The following UTY variants were observed in gnomAD, a reference collection of about 807,000 sequenced individuals.
UTY encodes histone demethylase UTY.
Under a neutral mutation model 32.5 loss-of-function variants are expected in UTY, and 12 were observed. The ratio of observed to expected loss-of-function variants is 0.37; its 90% CI spans 0.24 to 0.60. The LOEUF (loss-of-function observed/expected upper bound fraction) is 0.60. Among genes scored for constraint, UTY ranks in the 20% least tolerant of loss-of-function variants. The pLI is 0.69. For missense variants in UTY, 303 were observed against 299.2 expected, an observed-to-expected ratio of 1.01 and a Z score of -0.09; for synonymous variants, 131 against 103.4, an observed-to-expected ratio of 1.27 and a Z score of -1.62.
At chrY:13,355,890 A>G in intron 16 of UTY, 33 bp downstream of exon 16, 1 of 334,654 alleles carries the variant, frequency 3.0e-6, no homozygotes, top group Non-Finnish European at 4.2e-6. Context: ...AACTGTTGGT[A>G]AATTTTAGAG....
chrY:13,253,250 G>A, intron 28 of UTY, among the ~76,000 whole-genome samples: 1 of 33,558 alleles, frequency 3.0e-5, no homozygotes, highest in African/African-American at 1.2e-4. Flanking sequence ...CATGAGGAGG[G>A]AGAGTATAGT....
intron 8 of UTY, chrY:13,393,121 G>GGT (rs2067746515): frequency 6.0e-5 from 2 of 33,208 alleles, no homozygotes; most frequent in African/African-American, 2.3e-4. Flanking sequence ...ATTAAGACAT[G>GGT]AGCCACCATG....
At chrY:13,373,899 G>A in intron 8 of UTY, among the ~76,000 whole-genome samples, 1 of 33,232 alleles carries the variant, frequency 3.0e-5, no homozygotes, top group Non-Finnish European at 7.4e-5. Context: ...ACAGTGTTGT[G>A]TAACCATCAT....
chrY:13,242,064 C>CAAAACA (rs2053908340), intron 28 of UTY, among the ~76,000 whole-genome samples: 7 of 31,831 alleles, frequency 2.2e-4, no homozygotes, highest in Non-Finnish European at 5.3e-4. Flanking sequence ...GATTCCATGT[C>CAAAACA]AAAACAAAAA....
chrY:13,379,231 A>G, intron 8 of UTY, among the ~76,000 whole-genome samples: 1 of 33,628 alleles, frequency 3.0e-5, no homozygotes, highest in African/African-American at 1.2e-4. Flanking sequence ...TTCTGAGGAG[A>G]GGGAAGAAAC....
chrY:13,350,867 T>C, intron 17 of UTY, among the ~76,000 whole-genome samples: 1 of 33,186 alleles, frequency 3.0e-5, no homozygotes, highest in African/African-American at 1.2e-4. Flanking sequence ...CATGTACCGC[T>C]GCTTGCTCAA....
At chrY:13,426,945 G>A (rs982523277) in intron 4 of UTY, among the ~76,000 whole-genome samples, 1 of 33,142 alleles carries the variant, frequency 3.0e-5, no homozygotes, top group African/African-American at 1.2e-4. Context: ...CTGTAATTGC[G>A]GTAAATAAAC....
chrY:13,470,729 C>A (rs528573733), intron 2 of UTY, among the ~76,000 whole-genome samples: 27 of 32,995 alleles, frequency 8.2e-4, no homozygotes, highest in African/African-American at 3.2e-3. Flanking sequence ...ACTTTTCCAT[C>A]TTGAAAAGAT....
chrY:13,281,385 A>T, intron 27 of UTY, among the ~76,000 whole-genome samples: 1 of 33,769 alleles, frequency 3.0e-5, no homozygotes, highest in Non-Finnish European at 7.3e-5. Flanking sequence ...CAGAATGATG[A>T]AACAAAAATA....
chrY:13,443,723 A>G (rs770003048), intron 4 of UTY, among the ~76,000 whole-genome samples: 74 of 33,768 alleles, frequency 2.2e-3, no homozygotes, highest in Admixed American at 4.3e-3. Flanking sequence ...GAGACACAAC[A>G]AAAGCAGTGT....
In UTY at chrY:13,256,148, A is replaced by G. The variant is rs770343974; in HGVS notation, c.4137+4130T>C. ...AATTTAAAACATTAAATTACTTTCA[A>G]AAATTACTAGAGGACATTAATTGGA... On this transcript the variant is annotated intron_variant, in intron 28 of 29. Transcript: ENST00000545955. Among the ~76,000 whole-genome samples, 8 of 33,668 alleles carry G rather than the reference A, an allele frequency of 2.4e-4. No individual in the cohort carries two copies. The South Asian group carries it at 5.2e-3, about 22-fold the overall frequency. The allele number at this position is 33,668 out of a possible 37,273, so 90.3% of individuals were successfully genotyped here.
At chrY:13,456,864 A>AT (rs2076826363) in intron 3 of UTY, among the ~76,000 whole-genome samples, 1 of 32,800 alleles carries the variant, frequency 3.0e-5, no homozygotes, top group East Asian at 7.9e-4. Context: ...GTGCAAACCT[A>AT]TTTTTTTAAA....
intron 4 of UTY, among the ~76,000 whole-genome samples, chrY:13,430,495 T>C (rs2073889329): frequency 5.9e-5 from 2 of 33,734 alleles, no homozygotes; most frequent in Non-Finnish European, 1.5e-4. Flanking sequence ...AGTTTGTGAG[T>C]ACACATTCAT....
intron 17 of UTY, among the ~76,000 whole-genome samples, chrY:13,344,334 G>A: frequency 2.9e-5 from 1 of 34,336 alleles, no homozygotes; most frequent in African/African-American, 1.1e-4. Context: ...GCATTTCTAT[G>A]TTCTGCGCCT....
chrY:13,279,669 C>T (rs912466561), intron 27 of UTY, among the ~76,000 whole-genome samples: 3 of 33,388 alleles, frequency 9.0e-5, no homozygotes, highest in Non-Finnish European at 2.2e-4. Context: ...CCTCAATGCC[C>T]AGACATTGAC....
At chrY:13,460,626 G>C in intron 3 of UTY, among the ~76,000 whole-genome samples, 2 of 32,951 alleles carry the variant, frequency 6.1e-5, no homozygotes, top group African/African-American at 2.4e-4. Context: ...GCTTGAGCTG[G>C]GGAAGCGGAG....
chrY:13,382,365 T>G, intron 8 of UTY, among the ~76,000 whole-genome samples: 1 of 33,379 alleles, frequency 3.0e-5, no homozygotes, highest in Non-Finnish European at 7.4e-5. Context: ...CCCTTGATAT[T>G]CATGGGGGAT....
At chrY:13,385,758 C>T (rs2066660959) in intron 8 of UTY, among the ~76,000 whole-genome samples, 2 of 32,565 alleles carry the variant, frequency 6.1e-5, no homozygotes, top group Admixed American at 5.6e-4. Flanking sequence ...GCTATGTTAC[C>T]CAAGCTGGTC....
At chrY:13,349,336 G>C (rs765145662) in intron 17 of UTY, among the ~76,000 whole-genome samples, 2 of 31,859 alleles carry the variant, frequency 6.3e-5, no homozygotes, top group Admixed American at 6.0e-4. Flanking sequence ...TGTTTAATGG[G>C]GAATAAAAAG....
Sources: allele counts gnomAD v4.1 joint callset (sites outside exome capture counted in the v4.1 genomes callset), GRCh38; gene constraint gnomAD v4.1.1; transcripts MANE v1.5; gene names NCBI Gene and HGNC (gene_info 2026-07-23, HGNC 2026-07-21).